Variants in SHPRH observed in about 807,000 individuals in gnomAD.
SHPRH encodes SNF2 histone linker PHD RING helicase.
A neutral mutation model predicts 202.5 loss-of-function variants in SHPRH; 106 were observed. The observed-to-expected ratio is 0.52, with a 90% CI of 0.45 to 0.62. SHPRH has a LOEUF of 0.62. Ranked by LOEUF, SHPRH falls within the 20% of genes least tolerant of loss-of-function variation. The probability of loss-of-function intolerance (pLI) is 0.00; values close to 1 mark genes in which losing one functional copy is unlikely to be tolerated. For missense variants in SHPRH, 1,710 were observed against 2,020.0 expected, an observed-to-expected ratio of 0.85 and a Z score of 2.94; for synonymous variants, 729 against 686.0, an observed-to-expected ratio of 1.06 and a Z score of -0.98.
intron 2 of SHPRH, chr6:145,878,054 C>T (rs1315403662): frequency 6.6e-6 from 1 of 152,174 alleles, no homozygotes; most frequent in Non-Finnish European, 1.5e-5. Flanking sequence ...TCATATTTGA[C>T]TCAGAATAAA....
chr6:145,883,079 G>A (rs2128702030), downstream of SHPRH: 1 of 152,252 alleles, frequency 6.6e-6, no homozygotes, highest in Non-Finnish European at 1.5e-5. Context: ...TGGAAAGGCA[G>A]ACCATTTAAA....
chr6:145,940,921 T>A, intron 10 of SHPRH, 120 bp from the exon 11 acceptor site: 1 of 859,450 alleles, frequency 1.2e-6, no homozygotes, highest in Non-Finnish European at 1.9e-6. Context: ...GAGATGTACC[T>A]ACTTTTATTT....
At position 145,954,941 on chromosome 6, in the gene SHPRH, T is replaced by A. The variant is rs1788348928; in HGVS notation, c.382A>T (p.Ser128Cys). Residue 128 changes from serine to cysteine, a missense_variant, in exon 2 of 30, where the codon AGT becomes TGT. Transcript: ENST00000275233. Reference sequence around the variant, plus strand: ...CTTTCGGAAAAATTTTCAATTAAACTCTGTGCAGGAAGAAGCTGAAGAGTT... The same window carrying A: ...CTTTCGGAAAAATTTTCAATTAAACACTGTGCAGGAAGAAGCTGAAGAGTT... ...ELTLQLLPAQ[S>C]LIENFSERSI... 1 of 1,613,840 alleles carries A rather than the reference T, an allele frequency of 6.2e-7. No individual in the cohort carries two copies. The highest frequency in any genetic ancestry group is 8.5e-7 in the Non-Finnish European group (1 of 1,179,898).
chr6:145,868,778 ACAAT>A (rs917564705), intron 2 of SHPRH, among the ~76,000 whole-genome samples: 12 of 152,228 alleles, frequency 7.9e-5, no homozygotes, highest in African/African-American at 2.9e-4. Flanking sequence ...CTACTGTGAA[ACAAT>A]CATTCTGATA....
intron 22 of SHPRH, chr6:145,919,065 A>T (rs1033013131): frequency 1.5e-5 from 4 of 272,108 alleles, no homozygotes; most frequent in Non-Finnish European, 2.8e-5. Flanking sequence ...TATTGGTCTT[A>T]AGCACATACA....
Position 145,952,460 on chromosome 6 carries a change from C to T in SHPRH, c.652G>A (p.Glu218Lys). ...HIIKVGIYLL[E>K]AGLAKLDFLS... ...AAGTCTAGTTTTGCTAGGCCAGCTTCCAAAAGATAAATTCCAACCTAAAAA... is the reference window on the plus strand; with the variant it reads ...AAGTCTAGTTTTGCTAGGCCAGCTTTCAAAAGATAAATTCCAACCTAAAAA... Residue 218 changes from glutamate (E) to lysine (K), a missense_variant, in exon 3 of 30, where the codon GAA becomes AAA. Transcript: ENST00000275233. The T allele has an allele frequency of 6.2e-7, 1 of 1,605,192 alleles. No homozygotes were observed. The highest frequency in any genetic ancestry group is 8.5e-7 in the Non-Finnish European group (1 of 1,175,910).
rs776023913 is a variant in SHPRH at position 145,946,389 on chromosome 6, T to C, written c.1213-48A>G. The C allele has an allele frequency of 6.5e-6, 9 of 1,394,834 alleles. No individual in the cohort carries two copies. In the Middle Eastern group the frequency reaches 5.4e-4, roughly 84 times the overall value. 86.4% of individuals were successfully genotyped at this position (1,394,834 alleles called of 1,614,324 possible). ...GTTACACAGTGTTTTGCTTTCAGTATTCTGAATTGCTTATTGAAATTAACT... is the reference window on the plus strand; with the variant it reads ...GTTACACAGTGTTTTGCTTTCAGTACTCTGAATTGCTTATTGAAATTAACT... On this transcript the variant is annotated intron_variant, in intron 6 of 29. Transcript: ENST00000275233.
intron 9 of SHPRH, among the ~76,000 whole-genome samples, chr6:145,942,447 C>A (rs1180095811): frequency 6.6e-6 from 1 of 152,168 alleles, no homozygotes; most frequent in Non-Finnish European, 1.5e-5. Context: ...CCTACCCACA[C>A]AGAATAGAGC....
At chr6:145,909,319 G>A (rs1348748358) in intron 25 of SHPRH, 1 of 151,928 alleles carries the variant, frequency 6.6e-6, no homozygotes, top group East Asian at 1.9e-4. Context: ...TGTATGCTGT[G>A]TCTATGAGGC....
chr6:145,861,450 G>A (rs1779577924), downstream of SHPRH, among the ~76,000 whole-genome samples: 2 of 151,224 alleles, frequency 1.3e-5, no homozygotes, highest in African/African-American at 2.4e-5. Context: ...AGGAGAACAA[G>A]TGTTGGTGAG....
chr6:145,960,391 G>T (rs1417089641), intron 1 of SHPRH, among the ~76,000 whole-genome samples: 2 of 152,140 alleles, frequency 1.3e-5, no homozygotes, highest in Admixed American at 6.5e-5. Flanking sequence ...CATGGATATG[G>T]GGGGTGGAAG....
intron 2 of SHPRH, among the ~76,000 whole-genome samples, chr6:145,876,391 T>A (rs562648456): frequency 6.6e-6 from 1 of 152,278 alleles, no homozygotes; most frequent in Non-Finnish European, 1.5e-5. Context: ...AAATAAAGAT[T>A]TGCCTATTCT....
chr6:145,886,928 T>C (rs1781071565), intron 29 of SHPRH, 141 bp from the exon 30 acceptor site: 1 of 778,950 alleles, frequency 1.3e-6, no homozygotes, highest in South Asian at 2.6e-5. Context: ...GGAAAGCAAG[T>C]GATAAAATCT....
intron 25 of SHPRH, among the ~76,000 whole-genome samples, chr6:145,898,323 TA>T (rs1297919892): frequency 6.6e-6 from 1 of 152,026 alleles, no homozygotes; most frequent in Non-Finnish European, 1.5e-5. Flanking sequence ...GAAACATTAA[TA>T]AAAAAATTAA....
At chr6:145,917,308 T>A (rs951028021) in intron 23 of SHPRH, 1 of 152,162 alleles carries the variant, frequency 6.6e-6, no homozygotes, top group African/African-American at 2.4e-5. Flanking sequence ...TTACTGATGA[T>A]GCGAGGAAAG....
chr6:145,942,178 T>C (rs545177278), intron 9 of SHPRH, among the ~76,000 whole-genome samples: 5 of 152,140 alleles, frequency 3.3e-5, no homozygotes, highest in Admixed American at 6.6e-5. Flanking sequence ...AAGGTTCTCA[T>C]AGGTGGCAAA....
At chr6:145,896,070 T>C (rs1781988795) in intron 25 of SHPRH, among the ~76,000 whole-genome samples, 1 of 151,964 alleles carries the variant, frequency 6.6e-6, no homozygotes, top group African/African-American at 2.4e-5. Context: ...CACTTTTACA[T>C]GAAGAAACAT....
chr6:145,923,270 AATAT>A (rs141635836), intron 18 of SHPRH, among the ~76,000 whole-genome samples: 2 of 150,336 alleles, frequency 1.3e-5, no homozygotes, highest in East Asian at 1.9e-4. Context: ...TCCTTGGTTG[AATAT>A]ATATATATAT....
intron 2 of SHPRH, among the ~76,000 whole-genome samples, chr6:145,868,891 GTTTGC>G (rs1453667077): frequency 6.6e-6 from 1 of 152,034 alleles, no homozygotes; most frequent in African/African-American, 2.4e-5. Context: ...AATTATAATT[GTTTGC>G]TTTATTATTC....
Sources: allele counts gnomAD v4.1 joint callset (sites outside exome capture counted in the v4.1 genomes callset), GRCh38; gene constraint gnomAD v4.1.1; transcripts MANE v1.5; gene names NCBI Gene and HGNC (gene_info 2026-07-23, HGNC 2026-07-21).